POU6F2: variants seen among roughly 807,000 people sequenced by gnomAD.
POU6F2 encodes the protein POU class 6 homeobox 2.
Under a neutral mutation model 71.3 loss-of-function variants are expected in POU6F2, and 31 were observed. The ratio of observed to expected loss-of-function variants is 0.43; its 90% CI spans 0.33 to 0.59. The LOEUF (loss-of-function observed/expected upper bound fraction) is 0.59, where lower values mean the gene tolerates loss of function less well. Ranked by LOEUF, POU6F2 falls within the 20% of genes least tolerant of loss-of-function variation. POU6F2 has a pLI of 0.04. For synonymous variants in POU6F2, 347 were observed against 355.7 expected (o/e 0.98, Z 0.27); for missense variants, 783 against 856.8 (o/e 0.91, Z 1.07).
At chr7:39,394,416 T>A (rs140188674) in intron 5 of POU6F2, among the ~76,000 whole-genome samples, 1 of 152,336 alleles carries the variant, frequency 6.6e-6, no homozygotes, top group Middle Eastern at 3.4e-3. Flanking sequence ...AGCTAGCTCT[T>A]TAATGTTGCA....
intron 3 of POU6F2, 50 bp from the exon 4 acceptor site, chr7:39,207,342 A>G (rs768054136): frequency 1.9e-6 from 3 of 1,565,150 alleles, no homozygotes; most frequent in African/African-American, 1.4e-5. Flanking sequence ...TTTAAAACCC[A>G]TGCCTTGGTT....
intron 1 of POU6F2, among the ~76,000 whole-genome samples, chr7:39,044,653 C>T (rs971559201): frequency 3.3e-5 from 5 of 151,974 alleles, no homozygotes; most frequent in Non-Finnish European, 7.4e-5. Flanking sequence ...AAATCCATTT[C>T]TGTTCTTACA....
chr7:39,408,240 A>G (rs1029599568), intron 6 of POU6F2, among the ~76,000 whole-genome samples: 1 of 152,244 alleles, frequency 6.6e-6, no homozygotes, highest in Non-Finnish European at 1.5e-5. Context: ...TAGGAGTTCA[A>G]GATAGAAACC....
intron 2 of POU6F2, among the ~76,000 whole-genome samples, chr7:39,098,786 G>A (rs542187272): frequency 1.3e-5 from 2 of 152,210 alleles, no homozygotes; most frequent in African/African-American, 4.8e-5. Context: ...AGCCTATAGA[G>A]TACCTGGAAT....
At chr7:39,030,053 G>A (rs1310090867) in intron 1 of POU6F2, among the ~76,000 whole-genome samples, 2 of 152,018 alleles carry the variant, frequency 1.3e-5, no homozygotes, top group African/African-American at 2.4e-5. Flanking sequence ...TAGCTTAGGG[G>A]AAGTATTTCT....
At chr7:39,008,908 C>T (rs1397412713) in intron 1 of POU6F2, among the ~76,000 whole-genome samples, 1 of 149,846 alleles carries the variant, frequency 6.7e-6, no homozygotes, top group Non-Finnish European at 1.5e-5. Context: ...CAGTACCATG[C>T]TGTTTTGGTT....
intron 1 of POU6F2, among the ~76,000 whole-genome samples, chr7:39,072,947 T>C (rs983034134): frequency 1.3e-5 from 2 of 152,138 alleles, no homozygotes; most frequent in Non-Finnish European, 2.9e-5. Context: ...GCTAAGAAAA[T>C]GTTATTACTG....
intron 2 of POU6F2, among the ~76,000 whole-genome samples, chr7:39,151,961 TA>T (rs1485147873): frequency 1.3e-5 from 2 of 152,148 alleles, no homozygotes; most frequent in African/African-American, 4.8e-5. Context: ...AGGATGAGAG[TA>T]ACATCAGCGT....
intron 4 of POU6F2, among the ~76,000 whole-genome samples, chr7:39,253,292 T>G (rs979014459): frequency 1.3e-5 from 2 of 152,142 alleles, no homozygotes; most frequent in African/African-American, 4.8e-5. Flanking sequence ...CATGCTAGAA[T>G]CTGGAATAGA....
chr7:39,130,147 GGTGTGTGTGTGTGTGT>G (rs10600961), intron 2 of POU6F2, among the ~76,000 whole-genome samples: 2 of 143,332 alleles, frequency 1.4e-5, no homozygotes, highest in South Asian at 2.2e-4. Flanking sequence ...GAAAGGGGTA[GGTGTGTGTGTGTGTGT>G]GTGTGTGTGT....
intron 4 of POU6F2, among the ~76,000 whole-genome samples, chr7:39,308,093 A>G (rs550019311): frequency 1.3e-5 from 2 of 152,306 alleles, no homozygotes; most frequent in South Asian, 2.1e-4. Context: ...ATGGCAGTGC[A>G]TATCCATGTC....
chr7:39,043,715 T>C (rs1463013523), intron 1 of POU6F2, among the ~76,000 whole-genome samples: 5 of 151,940 alleles, frequency 3.3e-5, no homozygotes, highest in Admixed American at 3.3e-4. Flanking sequence ...AAGGAGTTGT[T>C]ATTAGCCGTT....
chr7:39,071,304 C>G (rs1228164071), intron 1 of POU6F2, among the ~76,000 whole-genome samples: 2 of 151,796 alleles, frequency 1.3e-5, no homozygotes, highest in African/African-American at 4.8e-5. Context: ...TCTAATGCCA[C>G]CAGTGATCCG....
At chr7:39,072,102 A>G (rs1258427560) in intron 1 of POU6F2, among the ~76,000 whole-genome samples, 1 of 152,288 alleles carries the variant, frequency 6.6e-6, no homozygotes, top group Admixed American at 6.5e-5. Flanking sequence ...TTGAGGTATG[A>G]GAGAAAGTAG....
At chr7:39,391,409 G>A (rs1335078829) in intron 5 of POU6F2, among the ~76,000 whole-genome samples, 2 of 150,762 alleles carry the variant, frequency 1.3e-5, no homozygotes, top group African/African-American at 2.4e-5. Flanking sequence ...TTTCCTTTAA[G>A]TATGGCAATT....
At chr7:39,201,464 C>T (rs991225719) in intron 2 of POU6F2, among the ~76,000 whole-genome samples, 1 of 152,160 alleles carries the variant, frequency 6.6e-6, no homozygotes, top group Admixed American at 6.5e-5. Flanking sequence ...TATATCACTG[C>T]TGAATTAAAA....
At chr7:39,009,122 C>T (rs1789182998) in intron 1 of POU6F2, among the ~76,000 whole-genome samples, 1 of 152,080 alleles carries the variant, frequency 6.6e-6, no homozygotes, top group South Asian at 2.1e-4. Context: ...GCAGTATGGT[C>T]ATTTTCACGA....
intron 5 of POU6F2, among the ~76,000 whole-genome samples, chr7:39,381,947 T>G (rs968471591): frequency 2.0e-5 from 3 of 152,008 alleles, no homozygotes; most frequent in Admixed American, 6.5e-5. Context: ...GAAAAAACAT[T>G]TTTTTCACCC....
At chr7:39,449,566 A>G (rs956741689) in intron 7 of POU6F2, among the ~76,000 whole-genome samples, 2 of 152,200 alleles carry the variant, frequency 1.3e-5, no homozygotes, top group African/African-American at 2.4e-5. Context: ...ACATGCATTT[A>G]TAGTATGATC....
Sources: gnomAD v4.1 joint callset for allele counts (sites outside exome capture counted in the v4.1 genomes callset) on GRCh38, gnomAD v4.1.1 for gene constraint, MANE v1.5 for transcripts, NCBI Gene and HGNC (gene_info 2026-07-23, HGNC 2026-07-21) for gene names.